The following ZNF687 variants were observed in gnomAD, a reference collection of about 807,000 sequenced individuals.
ZNF687 encodes the protein zinc finger protein 687.
ZNF687 carries 13 observed loss-of-function variants against 71.8 expected under a neutral mutation model. That is an observed-to-expected ratio of 0.18 (90% CI 0.12 to 0.29). The LOEUF (loss-of-function observed/expected upper bound fraction) is 0.29. Ranked by LOEUF, ZNF687 falls within the 10% of genes least tolerant of loss-of-function variation. The pLI, the probability that ZNF687 is intolerant of heterozygous loss-of-function variation, is 1.00. For synonymous variants in ZNF687, 673 were observed against 641.6 expected, an observed-to-expected ratio of 1.05 and a Z score of -0.74; for missense variants, 1,412 against 1,625.6, an observed-to-expected ratio of 0.87 and a Z score of 2.26.
At position 151,288,574 on chromosome 1, in the gene ZNF687, G is replaced by T; in HGVS notation, c.2162G>T (p.Ser721Ile). The T allele has an allele frequency of 6.2e-7, 1 of 1,613,982 alleles. No individual in the cohort carries two copies. The highest frequency in any genetic ancestry group is 8.5e-7 in the Non-Finnish European group (1 of 1,179,934). Reference sequence around the variant, plus strand: ...ATGCTCCCCAATCGCTGCAGCTTCAGCGCCCACCAGCGCATGCATAAGAAT... The same window carrying T: ...ATGCTCCCCAATCGCTGCAGCTTCATCGCCCACCAGCGCATGCATAAGAAT... ...PMMLPNRCSF[S>I]AHQRMHKNRP... The change falls in exon 3 of 9, where the codon AGC (serine) becomes ATC (isoleucine). Residue 721 changes from serine to isoleucine, a missense_variant. Physicochemically the swap from Ser to Ile is moderately radical, Grantham distance 142 (BLOSUM62 -2). Transcript: ENST00000336715.
At position 151,290,799 on chromosome 1, in the gene ZNF687, G is replaced by A. The variant is rs1285993908; in HGVS notation, c.3304G>A (p.Gly1102Ser). The change falls in exon 9 of 9, where the codon GGC becomes AGC. Residue 1102 changes from glycine (G) to serine (S), a missense_variant. Around this residue, in one of 8 missense-constraint regions of ZNF687, gnomAD observed 284 missense variants for 359.2 expected, o/e 0.79. Coordinates refer to ENST00000336715, the MANE Select transcript of ZNF687 (RefSeq NM_020832.3). Reference sequence around the variant, plus strand: ...GACACCGCCAGCCAAGTCCCCCAGGGGCGGACCTGGATCTGGAGGCCATGG... The same window carrying A: ...GACACCGCCAGCCAAGTCCCCCAGGAGCGGACCTGGATCTGGAGGCCATGG... ...STTPPAKSPR[G>S]GPGSGGHGPL... is the part of the protein sequence containing the mutation. 1 of 1,613,862 alleles carries A rather than the reference G, an allele frequency of 6.2e-7. No homozygotes were observed.
rs1314039732 is a variant in ZNF687 at position 151,288,133 on chromosome 1, A to G, written c.1842A>G (p.Thr614=). Reference sequence around the variant, plus strand: ...AGATGGTGGGGCAGCCGGACATCACACCGCTGCTGCCTGTAGCTGTCCCAC... The same window carrying G: ...AGATGGTGGGGCAGCCGGACATCACGCCGCTGCTGCCTGTAGCTGTCCCAC... ...LDQMVGQPDI[T]PLLPVAVPPV... The change falls in exon 2 of 9, where the codon ACA becomes ACG. Residue 614 remains threonine, a synonymous_variant. Coordinates refer to ENST00000336715, the MANE Select transcript of ZNF687 (RefSeq NM_020832.3). 2 of 1,613,726 alleles carry G rather than the reference A, an allele frequency of 1.2e-6. No homozygotes were observed. The highest frequency in any genetic ancestry group is 1.1e-5 in the South Asian group (1 of 91,076).
chr1:151,286,734 C>T lies in ZNF687; in HGVS notation c.443C>T (p.Thr148Ile). ...TCTCCTGCTCCTCCCAGTGGGGGCA[C>T]CTGGAAAGAAAAAGGCATGGAAGGC... ...PHSPAPPSGGTWKEKGMEGKT... is the reference protein window; with the variant it reads ...PHSPAPPSGGIWKEKGMEGKT... The change falls in exon 2 of 9, where the codon ACC (threonine) becomes ATC (isoleucine). Residue 148 changes from threonine to isoleucine, a missense_variant. This residue lies in a region of ZNF687 where 490 missense variants were observed against 489.9 expected (regional missense o/e 1.00). Coordinates refer to ENST00000336715, the MANE Select transcript of ZNF687 (RefSeq NM_020832.3). The T allele has an allele frequency of 6.2e-6, 10 of 1,614,184 alleles. No individual in the cohort carries two copies. The highest frequency in any genetic ancestry group is 8.5e-6 in the Non-Finnish European group (10 of 1,180,028).
chr1:151,288,722 C>G lies in ZNF687; in HGVS notation c.2294+16C>G. 1.9e-6 allele frequency: 3 copies of G among 1,604,004 alleles called. No individual in the cohort carries two copies. Among genetic ancestry groups the G allele is most frequent in the Non-Finnish European group, 2.6e-6 (3 of 1,174,292 alleles). On this transcript the variant is annotated intron_variant, in intron 3 of 8. Coordinates refer to ENST00000336715, the MANE Select transcript of ZNF687 (RefSeq NM_020832.3). ...TAGGATACAGGTGCCTCGGACCCTTCCTCCATAGAACTGTAGGGTTTCGTG... is the reference window on the plus strand; with the variant it reads ...TAGGATACAGGTGCCTCGGACCCTTGCTCCATAGAACTGTAGGGTTTCGTG...
At position 151,286,947 on chromosome 1, in the gene ZNF687, G is replaced by T; in HGVS notation, c.656G>T (p.Gly219Val). The T allele has an allele frequency of 6.2e-7, 1 of 1,611,412 alleles. No homozygotes were observed. Among genetic ancestry groups the T allele is most frequent in the South Asian group, 1.1e-5 (1 of 90,722 alleles). ...CCACCTGTTTCTTCCCCACCATTGG[G>T]GGCCTTGAAGCAGGAGAGCTGCAGC... ...MQPPVSSPPL[G>V]ALKQESCSPH... Residue 219 changes from glycine to valine, a missense_variant, in exon 2 of 9, where the codon GGG becomes GTG. Gly to Val is a moderately radical substitution (Grantham distance 109). Around this residue, in one of 8 missense-constraint regions of ZNF687, gnomAD observed 490 missense variants for 489.9 expected, o/e 1.00. Coordinates refer to ENST00000336715, the MANE Select transcript of ZNF687 (RefSeq NM_020832.3).
intron 1 of ZNF687, 47 bp downstream of exon 1, chr1:151,282,442 G>T (rs1693751908): frequency 1.0e-6 from 1 of 983,082 alleles, no homozygotes; most frequent in Admixed American, 6.2e-5. Flanking sequence ...CGCCCCCTTG[G>T]GGGGGGCGGG....
At chr1:151,290,040 G>T (rs755045665) in intron 6 of ZNF687, 33 bp downstream of exon 6, 1 of 1,602,614 alleles carries the variant, frequency 6.2e-7, no homozygotes, top group Non-Finnish European at 8.5e-7. Flanking sequence ...ACCATGGGCT[G>T]GGGGCAGCAT....
rs1410164695 is a variant in ZNF687 at position 151,284,150 on chromosome 1, G to T, written c.-18+1755G>T. ...ACTGTTGCCACAGGAAAATGGAAAG[G>T]GTGAGGAGTTAAAGTTAGGGGATGG... On this transcript the variant is annotated intron_variant, in intron 1 of 8. Transcript: ENST00000336715. 4 of 985,318 alleles carry T rather than the reference G, an allele frequency of 4.1e-6. No individual in the cohort carries two copies. The East Asian group carries it at 4.5e-4, about 112-fold the overall frequency. 61.0% of individuals were successfully genotyped at this position (985,318 alleles called of 1,614,324 possible).
At chr1:151,283,935 T>C (rs1693840581) in intron 1 of ZNF687, 1 of 985,292 alleles carries the variant, frequency 1.0e-6, no homozygotes, top group Non-Finnish European at 1.2e-6. Context: ...TGGATAGGGA[T>C]AGACTCTTTA....
At chr1:151,284,740 T>C (rs587628138) in intron 1 of ZNF687, among the ~76,000 whole-genome samples, 1 of 152,180 alleles carries the variant, frequency 6.6e-6, no homozygotes, top group South Asian at 2.1e-4. Flanking sequence ...TTAGCAATTT[T>C]GTATTATGCT....
intron 1 of ZNF687, chr1:151,283,013 C>T (rs1008850152): frequency 4.7e-6 from 3 of 632,948 alleles, no homozygotes; most frequent in Non-Finnish European, 3.9e-6. Context: ...CAGCTCCCCA[C>T]CCTATCCTGT....
intron 3 of ZNF687, 117 bp from the exon 4 acceptor site, chr1:151,288,978 C>G: frequency 1.7e-6 from 2 of 1,185,524 alleles, no homozygotes; most frequent in South Asian, 1.4e-5. Context: ...CCTGCTCATG[C>G]TCCACTACTG....
chr1:151,283,897 G>A (rs1366105009), intron 1 of ZNF687: 3 of 985,224 alleles, frequency 3.0e-6, no homozygotes, highest in Non-Finnish European at 3.6e-6. Flanking sequence ...GAGCTGGCTG[G>A]GAAATGGCCT....
In ZNF687 at chr1:151,289,665, TCTC is replaced by T. The variant is rs967664977; in HGVS notation, c.2635-9_2635-7del. On this transcript the variant is annotated splice_polypyrimidine_tract_variant and intron_variant, in intron 5 of 8. Transcript: ENST00000336715. ...TCCCCCACAACAGCAACCTCCCTTG[TCTC>T]CTCTCACAGAACACCCATCAGTCTG... 3 of 1,582,312 alleles carry T rather than the reference TCTC, an allele frequency of 1.9e-6. No homozygotes were observed. The African/African-American group carries it at 4.0e-5, about 21-fold the overall frequency.
intron 1 of ZNF687, chr1:151,283,261 C>G (rs587741168): frequency 2.0e-6 from 2 of 985,434 alleles, no homozygotes; most frequent in South Asian, 9.4e-5. Flanking sequence ...TGGCCTCAAC[C>G]TAATCGCCGC....
rs74472096 is a variant in ZNF687, at chr1:151,289,856, C to A, written c.2813C>A (p.Pro938His). 6.4e-4 allele frequency: 997 copies of A among 1,567,684 alleles called. 5 individuals carry two copies. The African/African-American group carries it at 0.012, about 19-fold the overall frequency. ...EEEVPSSPEPPRPAKRPRREL... is the reference protein window; with the variant it reads ...EEEVPSSPEPHRPAKRPRREL... ...GAAGTACCCAGCTCCCCTGAGCCCC[C>A]CCGTCCAGCCAAACGGCCTCGGCGG... is the stretch of plus-strand genomic sequence containing the variant. The change falls in exon 6 of 9, where the codon CCC (proline) becomes CAC (histidine). Residue 938 changes from proline (P) to histidine (H), a missense_variant. Pro to His is a moderately conservative substitution (Grantham distance 77, BLOSUM62 -2). Coordinates refer to ENST00000336715, the MANE Select transcript of ZNF687 (RefSeq NM_020832.3).
chr1:151,289,365 G>C lies in ZNF687; in HGVS notation c.2472-13G>C. On this transcript the variant is annotated splice_polypyrimidine_tract_variant and intron_variant, in intron 4 of 8. Transcript: ENST00000336715. Reference sequence around the variant, plus strand: ...CCCAACCCTGCCTGATGTCTGCACTGTCCTCACTTCAGGCTGATCTACAAG... The same window carrying C: ...CCCAACCCTGCCTGATGTCTGCACTCTCCTCACTTCAGGCTGATCTACAAG... 1 of 1,614,126 alleles carries C rather than the reference G, an allele frequency of 6.2e-7. No individual in the cohort carries two copies. Among genetic ancestry groups the C allele is most frequent in the Non-Finnish European group, 8.5e-7 (1 of 1,180,034 alleles).
At chr1:151,290,312 A>G in intron 7 of ZNF687, 78 bp downstream of exon 7, 1 of 1,608,292 alleles carries the variant, frequency 6.2e-7, no homozygotes, top group Non-Finnish European at 8.5e-7. Flanking sequence ...TGCACCTGCG[A>G]CGTGTCTAAG....
chr1:151,284,621 C>T (rs969358213), intron 1 of ZNF687, among the ~76,000 whole-genome samples: 3 of 151,986 alleles, frequency 2.0e-5, no homozygotes, highest in African/African-American at 4.8e-5. Flanking sequence ...GCCTCCGACC[C>T]CAGCCCTAGA....
Sources: allele counts gnomAD v4.1 joint callset (sites outside exome capture counted in the v4.1 genomes callset), GRCh38; gene constraint gnomAD v4.1.1; regional missense constraint gnomAD v4.1.1; transcripts MANE v1.5; gene names NCBI Gene and HGNC (gene_info 2026-07-23, HGNC 2026-07-21).